Variants in KCNQ5 observed in about 807,000 individuals in gnomAD.
KCNQ5 encodes potassium voltage-gated channel subfamily Q member 5.
A neutral mutation model predicts 98.2 loss-of-function variants in KCNQ5; 30 were observed. That is an observed-to-expected ratio of 0.31 (90% confidence interval 0.23 to 0.41). The LOEUF (loss-of-function observed/expected upper bound fraction) is 0.41, where lower values mean the gene tolerates loss of function less well. Among genes scored for constraint, KCNQ5 ranks in the 10% least tolerant of loss-of-function variants. The probability of loss-of-function intolerance (pLI) is 1.00; values close to 1 mark genes in which losing one functional copy is unlikely to be tolerated. For missense variants in KCNQ5, 835 were observed against 1,182.5 expected, an observed-to-expected ratio of 0.71 and a Z score of 4.31; for synonymous variants, 458 against 449.4, an observed-to-expected ratio of 1.02 and a Z score of -0.24.
At chr6:73,189,387 A>G (rs1285890797) in intron 11 of KCNQ5, among the ~76,000 whole-genome samples, 1 of 152,220 alleles carries the variant, frequency 6.6e-6, no homozygotes, top group African/African-American at 2.4e-5. Context: ...ATTGAAAGTT[A>G]ATAATACAAT....
At chr6:73,072,245 T>C (rs571193409) in intron 3 of KCNQ5, among the ~76,000 whole-genome samples, 2 of 152,336 alleles carry the variant, frequency 1.3e-5, no homozygotes, top group East Asian at 3.9e-4. Flanking sequence ...ATATACCCTC[T>C]TTGTGGCTTA....
intron 1 of KCNQ5, among the ~76,000 whole-genome samples, chr6:72,709,835 C>T (rs555165962): frequency 6.6e-4 from 101 of 152,168 alleles, no homozygotes; most frequent in African/African-American, 2.1e-3. Flanking sequence ...GTATATTGAG[C>T]GCTCCCTGTG....
intron 10 of KCNQ5, among the ~76,000 whole-genome samples, chr6:73,150,536 A>G (rs1425148422): frequency 6.8e-6 from 1 of 147,820 alleles, no homozygotes; most frequent in Non-Finnish European, 1.5e-5. Flanking sequence ...TACTATATAT[A>G]TTTAAAATAC....
At chr6:72,741,504 G>T (rs756699936) in intron 1 of KCNQ5, among the ~76,000 whole-genome samples, 1 of 152,072 alleles carries the variant, frequency 6.6e-6, no homozygotes, top group South Asian at 2.1e-4. Flanking sequence ...TAAGATGCAG[G>T]GTCTGATGTA....
intron 10 of KCNQ5, chr6:73,157,677 G>C: frequency 1.3e-6 from 1 of 775,822 alleles, no homozygotes; most frequent in South Asian, 1.3e-5. Context: ...AAAGGATAAG[G>C]GCCCAGGCCT....
chr6:73,077,662 A>G, intron 4 of KCNQ5, 100 bp from the exon 5 acceptor site: 5 of 1,310,018 alleles, frequency 3.8e-6, no homozygotes, highest in African/African-American at 1.5e-5. Context: ...CATCATAAAC[A>G]TCCAAGAAGT....
rs909074981 is a variant in KCNQ5, at chr6:72,916,541, G to A, written c.399-87367G>A. 5.9e-5 allele frequency among the ~76,000 whole-genome samples: 9 copies of A among 152,108 alleles called. No individual in the cohort carries two copies. The South Asian group carries it at 1.2e-3, about 21-fold the overall frequency. Reference sequence around the variant, plus strand: ...TTGTGCAAGTACCACTGCTTCCTAAGCACTATCGGAGAAGAAAAGCATGTT... The same window carrying A: ...TTGTGCAAGTACCACTGCTTCCTAAACACTATCGGAGAAGAAAAGCATGTT... On this transcript the variant is annotated intron_variant, in intron 1 of 13. Transcript: ENST00000370398.
chr6:73,176,633 C>T (rs1486794497), intron 11 of KCNQ5, among the ~76,000 whole-genome samples: 1 of 152,098 alleles, frequency 6.6e-6, no homozygotes, highest in Non-Finnish European at 1.5e-5. Flanking sequence ...CTGAGCTGGG[C>T]AGTCATGATG....
intron 1 of KCNQ5, among the ~76,000 whole-genome samples, chr6:72,895,016 G>A (rs938327574): frequency 2.0e-5 from 3 of 150,780 alleles, no homozygotes; most frequent in Non-Finnish European, 4.4e-5. Context: ...TTAAGGTGGA[G>A]CCCCAGTAAT....
At chr6:73,019,282 T>C (rs575901078) in intron 2 of KCNQ5, among the ~76,000 whole-genome samples, 2 of 152,298 alleles carry the variant, frequency 1.3e-5, no homozygotes, top group African/African-American at 4.8e-5. Flanking sequence ...TTCCTAGGTT[T>C]AGAGTGGTTT....
chr6:72,987,161 G>A, intron 1 of KCNQ5: 1 of 664,308 alleles, frequency 1.5e-6, no homozygotes, highest in Non-Finnish European at 2.8e-6. Flanking sequence ...AGAAAAAGAT[G>A]AAGTCCAAGA....
At chr6:72,700,900 T>TA (rs1426265851) in intron 1 of KCNQ5, among the ~76,000 whole-genome samples, 2 of 152,274 alleles carry the variant, frequency 1.3e-5, no homozygotes, top group Admixed American at 1.3e-4. Context: ...ATTGACCAGA[T>TA]AAAAAAGAAG....
At chr6:72,692,816 C>T (rs1048621964) in intron 1 of KCNQ5, among the ~76,000 whole-genome samples, 2 of 152,050 alleles carry the variant, frequency 1.3e-5, no homozygotes, top group Non-Finnish European at 2.9e-5. Flanking sequence ...GCTAGTGAGG[C>T]CCTGCTGTAA....
intron 1 of KCNQ5, among the ~76,000 whole-genome samples, chr6:72,694,744 G>A (rs1768396755): frequency 1.3e-5 from 2 of 152,120 alleles, no homozygotes; most frequent in Admixed American, 1.3e-4. Flanking sequence ...TTTAGATGCA[G>A]GACATACATA....
intron 1 of KCNQ5, among the ~76,000 whole-genome samples, chr6:72,847,589 AC>A: frequency 6.6e-6 from 1 of 152,034 alleles, no homozygotes; most frequent in East Asian, 1.9e-4. Flanking sequence ...GTCTTTCAAA[AC>A]CCCGTTAGAT....
Position 72,874,105 on chromosome 6 carries a change from G to T in KCNQ5, c.399-129803G>T, listed in dbSNP as rs74950330. On this transcript the variant is annotated intron_variant, in intron 1 of 13. Coordinates refer to ENST00000370398, the MANE Select transcript of KCNQ5 (RefSeq NM_019842.4). ...ATGTTTTAATTATGATATCCTTTAAGCATTAAAAACCATAGTTTTTAAGCT... is the reference window on the plus strand; with the variant it reads ...ATGTTTTAATTATGATATCCTTTAATCATTAAAAACCATAGTTTTTAAGCT... 3.6e-3 allele frequency among the ~76,000 whole-genome samples: 541 copies of T among 151,938 alleles called. 2 individuals carry two copies. The highest frequency in any genetic ancestry group is 0.014 in the Middle Eastern group (4 of 290).
chr6:72,897,838 A>T (rs963747380), intron 1 of KCNQ5, among the ~76,000 whole-genome samples: 1 of 152,142 alleles, frequency 6.6e-6, no homozygotes, highest in African/African-American at 2.4e-5. Flanking sequence ...ACTAATTTTA[A>T]GAGTAAGTGA....
At chr6:73,032,246 C>A (rs931749260) in intron 2 of KCNQ5, among the ~76,000 whole-genome samples, 1 of 152,210 alleles carries the variant, frequency 6.6e-6, no homozygotes, top group Non-Finnish European at 1.5e-5. Context: ...CGGCTCACTG[C>A]AACCTCCACC....
chr6:72,698,361 G>A (rs1353546681), intron 1 of KCNQ5, among the ~76,000 whole-genome samples: 23 of 151,902 alleles, frequency 1.5e-4, no homozygotes, highest in Admixed American at 1.1e-3. Context: ...GTGCCACCAC[G>A]CCTGGCTAAT....
Sources: gnomAD v4.1 joint callset for allele counts (sites outside exome capture counted in the v4.1 genomes callset) on GRCh38, gnomAD v4.1.1 for gene constraint, MANE v1.5 for transcripts, NCBI Gene and HGNC (gene_info 2026-07-23, HGNC 2026-07-21) for gene names.